The following RANBP17 variants were observed in gnomAD, a reference collection of about 807,000 sequenced individuals.
RANBP17 encodes the protein RAN binding protein 17, also known as ran-binding protein 17.
Under a neutral mutation model 141.2 loss-of-function variants are expected in RANBP17, and 158 were observed. That is an observed-to-expected ratio of 1.12 (90% CI 0.98 to 1.28). The LOEUF (loss-of-function observed/expected upper bound fraction) is 1.28, where lower values mean the gene tolerates loss of function less well. Among genes scored for constraint, RANBP17 ranks in the 50% most tolerant of loss-of-function variants. The pLI, the probability that RANBP17 is intolerant of heterozygous loss-of-function variation, is 0.00. For missense variants in RANBP17, 1,438 were observed against 1,290.7 expected (o/e 1.11, Z -1.75); for synonymous variants, 430 against 450.0 (o/e 0.96, Z 0.56).
intron 14 of RANBP17, among the ~76,000 whole-genome samples, chr5:171,105,040 T>A (rs1187483065): frequency 6.6e-6 from 1 of 152,138 alleles, no homozygotes; most frequent in Admixed American, 6.5e-5. Context: ...ATGTTGTGAG[T>A]ACCTTTAAAT....
At chr5:171,122,284 T>C (rs555399051) in intron 14 of RANBP17, among the ~76,000 whole-genome samples, 1 of 152,320 alleles carries the variant, frequency 6.6e-6, no homozygotes, top group African/African-American at 2.4e-5. Context: ...CCTTGTTTTT[T>C]TTCTTTTGGA....
At chr5:171,039,247 T>G (rs78362956) in intron 14 of RANBP17, among the ~76,000 whole-genome samples, 8 of 27,070 alleles carry the variant, frequency 3.0e-4, no homozygotes, top group Non-Finnish European at 1.2e-3. Context: ...TGTTGTTGGT[T>G]TTTTTTTTTT....
intron 14 of RANBP17, among the ~76,000 whole-genome samples, chr5:171,016,967 T>C (rs1780480931): frequency 6.9e-6 from 1 of 144,500 alleles, no homozygotes; most frequent in Non-Finnish European, 1.5e-5. Flanking sequence ...TGTTTTCTCA[T>C]TGTTCAACTC....
chr5:171,158,183 A>G (rs1759037867), intron 14 of RANBP17, among the ~76,000 whole-genome samples: 1 of 152,264 alleles, frequency 6.6e-6, no homozygotes, highest in African/African-American at 2.4e-5. Context: ...ACTTGGTTAT[A>G]AAACATAAAT....
chr5:170,974,005 A>G (rs958803497), intron 14 of RANBP17, among the ~76,000 whole-genome samples: 25 of 152,214 alleles, frequency 1.6e-4, no homozygotes, highest in Non-Finnish European at 3.7e-4. Flanking sequence ...GGACACAAAC[A>G]TTCAGACCAT....
chr5:171,063,452 G>A (rs1057425354), intron 14 of RANBP17, among the ~76,000 whole-genome samples: 5 of 152,374 alleles, frequency 3.3e-5, no homozygotes, highest in Middle Eastern at 3.4e-3. Flanking sequence ...CTGGGTATCA[G>A]CAGCAGTGGC....
At chr5:171,200,634 A>G (rs1057090200) in intron 19 of RANBP17, among the ~76,000 whole-genome samples, 2 of 152,186 alleles carry the variant, frequency 1.3e-5, no homozygotes, top group African/African-American at 4.8e-5. Flanking sequence ...TTTCATAGTT[A>G]TTTGAAGTAT....
intron 14 of RANBP17, among the ~76,000 whole-genome samples, chr5:171,091,938 A>G (rs138941343): frequency 1.3e-5 from 2 of 152,278 alleles, no homozygotes; most frequent in African/African-American, 4.8e-5. Flanking sequence ...CCAGCTTTTC[A>G]TATATGCAGG....
intron 15 of RANBP17, 32 bp downstream of exon 15, chr5:171,170,235 T>C (rs1760004054): frequency 1.6e-6 from 2 of 1,252,426 alleles, no homozygotes; most frequent in Non-Finnish European, 2.2e-6. Flanking sequence ...TAATTTTTCT[T>C]TTGTTGTTGT....
At chr5:171,060,643 G>A (rs954610400) in intron 14 of RANBP17, among the ~76,000 whole-genome samples, 14 of 152,020 alleles carry the variant, frequency 9.2e-5, no homozygotes, top group East Asian at 1.9e-4. Flanking sequence ...TTGTGTCTCT[G>A]CCAGGCTTTG....
intron 16 of RANBP17, among the ~76,000 whole-genome samples, chr5:171,172,976 A>C (rs903539510): frequency 2.0e-5 from 3 of 151,982 alleles, no homozygotes; most frequent in Admixed American, 6.6e-5. Flanking sequence ...AAAAGCTATA[A>C]TATTTTAAGC....
At chr5:171,016,383 A>G (rs922691587) in intron 14 of RANBP17, among the ~76,000 whole-genome samples, 1 of 152,114 alleles carries the variant, frequency 6.6e-6, no homozygotes, top group Non-Finnish European at 1.5e-5. Flanking sequence ...CCATAAAGAC[A>G]TAAGTGAGAG....
chr5:171,125,763 G>A (rs1329380039), intron 14 of RANBP17, among the ~76,000 whole-genome samples: 2 of 151,860 alleles, frequency 1.3e-5, no homozygotes, highest in African/African-American at 2.4e-5. Context: ...ATTGCCACAT[G>A]TTAAGACACA....
intron 22 of RANBP17, among the ~76,000 whole-genome samples, chr5:171,232,965 C>T (rs1764294616): frequency 1.3e-5 from 2 of 152,204 alleles, no homozygotes; most frequent in Admixed American, 1.3e-4. Flanking sequence ...ATTCATTCAA[C>T]AAATGTGTAA....
chr5:171,174,295 G>A (rs1760292675), intron 16 of RANBP17, among the ~76,000 whole-genome samples: 1 of 152,116 alleles, frequency 6.6e-6, no homozygotes, highest in South Asian at 2.1e-4. Flanking sequence ...AAATGACTCT[G>A]TACAGAGCCA....
chr5:171,198,854 G>A (rs1053219269), intron 18 of RANBP17, among the ~76,000 whole-genome samples: 22 of 152,296 alleles, frequency 1.4e-4, no homozygotes, highest in African/African-American at 5.1e-4. Context: ...TTCTTCAGTA[G>A]AGTGCAGCTC....
At chr5:171,131,534 G>A (rs973256603) in intron 14 of RANBP17, among the ~76,000 whole-genome samples, 9 of 152,168 alleles carry the variant, frequency 5.9e-5, no homozygotes, top group Non-Finnish European at 1.2e-4. Context: ...CATTTATTAG[G>A]CAAGGATTGT....
In RANBP17 at chr5:170,911,147, T is replaced by C. The variant is rs758679148; in HGVS notation, c.760+13T>C. On this transcript the variant is annotated intron_variant, in intron 7 of 27. Coordinates refer to ENST00000523189, the MANE Select transcript of RANBP17 (RefSeq NM_022897.5). Reference sequence around the variant, plus strand: ...ACTTGGAGAACAAGTAAGAAAAAACTTTGGTATGAAGGGTCATCAACATAA... The same window carrying C: ...ACTTGGAGAACAAGTAAGAAAAAACCTTGGTATGAAGGGTCATCAACATAA... 18 of 1,610,006 alleles carry C rather than the reference T, an allele frequency of 1.1e-5. No individual in the cohort carries two copies. The highest frequency in any genetic ancestry group is 1.4e-5 in the Non-Finnish European group (17 of 1,177,438).
At chr5:171,096,825 TATCAACAACAACAACA>T (rs1786726844) in intron 14 of RANBP17, among the ~76,000 whole-genome samples, 1 of 152,138 alleles carries the variant, frequency 6.6e-6, no homozygotes, top group African/African-American at 2.4e-5. Flanking sequence ...AAGCCTACTT[TATCAACAACAACAACA>T]AAACTCTGTG....
Sources: allele counts gnomAD v4.1 joint callset (sites outside exome capture counted in the v4.1 genomes callset), GRCh38; gene constraint gnomAD v4.1.1; transcripts MANE v1.5; gene names NCBI Gene and HGNC (gene_info 2026-07-23, HGNC 2026-07-21).